RHOT1: variants seen among roughly 807,000 people sequenced by gnomAD.
RHOT1 encodes the protein mitochondrial Rho GTPase 1.
In RHOT1, 27 loss-of-function variants were observed where a neutral mutation model predicts 95.3. That is an observed-to-expected ratio of 0.28 (90% CI 0.21 to 0.39). RHOT1 has a LOEUF of 0.39. RHOT1 is among the 10% of genes least tolerant of loss of function. The probability of loss-of-function intolerance (pLI) is 1.00; values close to 1 mark genes in which losing one functional copy is unlikely to be tolerated. For missense variants in RHOT1, 578 were observed against 786.7 expected (o/e 0.73, Z 3.17); for synonymous variants, 227 against 263.5 (o/e 0.86, Z 1.34).
rs2037403936 is a variant in RHOT1 at position 32,202,590 on chromosome 17, C to T, written c.1202-180C>T. Among the ~76,000 whole-genome samples the T allele has an allele frequency of 2.0e-5, 3 of 152,152 alleles. No individual in the cohort carries two copies. The South Asian group carries it at 6.2e-4, about 32-fold the overall frequency. On this transcript the variant is annotated intron_variant, in intron 14 of 19. Coordinates refer to ENST00000545287, the MANE Select transcript of RHOT1 (RefSeq NM_001033566.3). ...ATTTTTTCCACTAACTGGGGCCCTT[C>T]TGCATTCTGTGTACTTCATTCACAT...
chr17:32,163,463 G>A (rs927748485), intron 1 of RHOT1, among the ~76,000 whole-genome samples: 2 of 152,192 alleles, frequency 1.3e-5, no homozygotes, highest in African/African-American at 2.4e-5. Flanking sequence ...TGGGTGTGGT[G>A]GCTCACGCCT....
intron 1 of RHOT1, among the ~76,000 whole-genome samples, chr17:32,154,784 A>G (rs1485102417): frequency 2.0e-5 from 3 of 151,554 alleles, no homozygotes; most frequent in Non-Finnish European, 4.4e-5. Flanking sequence ...AATCCCAGCT[A>G]CTCGGGAGGA....
chr17:32,193,553 C>T (rs1357298765), intron 10 of RHOT1, among the ~76,000 whole-genome samples: 1 of 152,062 alleles, frequency 6.6e-6, no homozygotes, highest in African/African-American at 2.4e-5. Context: ...CATAAACAGC[C>T]TTTAAATAGT....
At chr17:32,145,141 A>G (rs1598262381) in intron 1 of RHOT1, among the ~76,000 whole-genome samples, 1 of 151,832 alleles carries the variant, frequency 6.6e-6, no homozygotes, top group South Asian at 2.1e-4. Context: ...CTCTACTAAC[A>G]ATACAATAAT....
chr17:32,222,789 C>T (rs1196165431), intron 19 of RHOT1: 4 of 918,478 alleles, frequency 4.4e-6, no homozygotes, highest in East Asian at 1.2e-4. Flanking sequence ...AGTGGGGTGC[C>T]ATGCTGTTAG....
At chr17:32,212,989 C>A (rs1446021084) in intron 19 of RHOT1, among the ~76,000 whole-genome samples, 1 of 152,084 alleles carries the variant, frequency 6.6e-6, no homozygotes, top group Non-Finnish European at 1.5e-5. Context: ...TGTAGTGCGA[C>A]TAGTCCAGAA....
chr17:32,210,867 A>G (rs912567338), intron 18 of RHOT1, among the ~76,000 whole-genome samples: 7 of 152,160 alleles, frequency 4.6e-5, no homozygotes, highest in African/African-American at 9.7e-5. Flanking sequence ...CCCCCTCCAA[A>G]AAAAGCAAAA....
chr17:32,164,564 T>C (rs569767967), intron 1 of RHOT1, among the ~76,000 whole-genome samples: 3 of 152,036 alleles, frequency 2.0e-5, no homozygotes, highest in Non-Finnish European at 4.4e-5. Context: ...AAAAATTACC[T>C]TAAAAATAAT....
chr17:32,150,484 GT>G, intron 1 of RHOT1: 1 of 1,107,218 alleles, frequency 9.0e-7, no homozygotes, highest in South Asian at 1.5e-5. Flanking sequence ...CAGGCTGTCT[GT>G]TAGACTGTAG....
intron 1 of RHOT1, among the ~76,000 whole-genome samples, chr17:32,160,831 C>T (rs570570369): frequency 3.9e-5 from 6 of 152,296 alleles, no homozygotes; most frequent in East Asian, 1.9e-4. Context: ...CTTTGGCAGG[C>T]GTGGGATCCA....
At chr17:32,148,969 A>G (rs1218270135) in intron 1 of RHOT1, among the ~76,000 whole-genome samples, 1 of 152,216 alleles carries the variant, frequency 6.6e-6, no homozygotes, top group Non-Finnish European at 1.5e-5. Flanking sequence ...TTTTCCATGG[A>G]TGACCTGCTT....
chr17:32,202,706 A>T lies in RHOT1; in HGVS notation c.1202-64A>T. 1.0e-5 allele frequency: 13 copies of T among 1,258,754 alleles called. 1 individual carries two copies. The South Asian group carries it at 1.9e-4, about 18-fold the overall frequency. The allele number at this position is 1,258,754 out of a possible 1,614,324, so 78.0% of individuals were successfully genotyped here. On this transcript the variant is annotated intron_variant, in intron 14 of 19. Transcript: ENST00000545287. ...AATGCCCTATTTTGCAAAAGGTGGA[A>T]TGGAGGCTTAGTGAATCTAAGTGGT... is the stretch of plus-strand genomic sequence containing the variant.
At chr17:32,175,453 G>T in intron 4 of RHOT1, 91 bp downstream of exon 4, 2 of 1,281,182 alleles carry the variant, frequency 1.6e-6, no homozygotes, top group Non-Finnish European at 2.3e-6. Flanking sequence ...TTGTTTGTTG[G>T]TTTTTGTGTT....
chr17:32,143,190 T>G, intron 1 of RHOT1: 1 of 462,114 alleles, frequency 2.2e-6, no homozygotes, highest in South Asian at 1.6e-5. Context: ...AGGGATTGCG[T>G]GAACCGGCTC....
Position 32,182,743 on chromosome 17 carries a change from C to G in RHOT1, c.330-14C>G. Reference sequence around the variant, plus strand: ...TTTTGCCTTCCTTATTACAATGTGCCCTGTTTATTTTAGGCTGCCTTTAAT... The same window carrying G: ...TTTTGCCTTCCTTATTACAATGTGCGCTGTTTATTTTAGGCTGCCTTTAAT... On this transcript the variant is annotated splice_polypyrimidine_tract_variant and intron_variant, in intron 6 of 19. Coordinates refer to ENST00000545287, the MANE Select transcript of RHOT1 (RefSeq NM_001033566.3). The G allele has an allele frequency of 7.0e-7, 1 of 1,429,900 alleles. No individual in the cohort carries two copies. The highest frequency in any genetic ancestry group is 1.4e-5 in the African/African-American group (1 of 70,232). 88.6% of individuals were successfully genotyped at this position (1,429,900 alleles called of 1,614,324 possible).
intron 16 of RHOT1, 65 bp from the exon 17 acceptor site, chr17:32,206,845 C>G: frequency 8.8e-7 from 1 of 1,134,624 alleles, no homozygotes; most frequent in South Asian, 1.5e-5. Context: ...AAGTAATAAG[C>G]TATCATGACT....
chr17:32,217,940 G>C (rs867131573), intron 19 of RHOT1, among the ~76,000 whole-genome samples: 4 of 151,156 alleles, frequency 2.6e-5, no homozygotes, highest in African/African-American at 9.7e-5. Context: ...TCAGCTCATC[G>C]CAACCCCCAC....
At chr17:32,171,639 A>G (rs1326021710) in intron 2 of RHOT1, among the ~76,000 whole-genome samples, 1 of 152,240 alleles carries the variant, frequency 6.6e-6, no homozygotes, top group Non-Finnish European at 1.5e-5. Context: ...AACCCAAAAC[A>G]TAAAAAAGAT....
At chr17:32,149,633 A>ATGTGTGTGTG (rs1233010217) in intron 1 of RHOT1, among the ~76,000 whole-genome samples, 26 of 81,276 alleles carry the variant, frequency 3.2e-4, no homozygotes, top group Admixed American at 4.9e-4. Context: ...ATATATATAT[A>ATGTGTGTGTG]TATGTGTGTG....
Sources: allele counts gnomAD v4.1 joint callset (sites outside exome capture counted in the v4.1 genomes callset), GRCh38; gene constraint gnomAD v4.1.1; transcripts MANE v1.5; gene names NCBI Gene and HGNC (gene_info 2026-07-23, HGNC 2026-07-21).